The following RPS24 variants were observed in gnomAD, a reference collection of about 807,000 sequenced individuals.
RPS24 encodes the protein ribosomal protein S24, also known as small ribosomal subunit protein eS24.
For synonymous variants in RPS24, 72 were observed against 55.6 expected, an observed-to-expected ratio of 1.30 and a Z score of -1.31; for missense variants, 100 against 162.5, an observed-to-expected ratio of 0.62 and a Z score of 2.09.
intron 4 of RPS24, chr10:78,038,087 G>A: frequency 3.2e-6 from 2 of 618,364 alleles, no homozygotes; most frequent in Non-Finnish European, 5.0e-6. Context: ...TAGTATGGTC[G>A]ATTATAATGC....
At chr10:78,043,792 A>T (rs560339441), downstream of RPS24, among the ~76,000 whole-genome samples, 1 of 152,314 alleles carries the variant, frequency 6.6e-6, no homozygotes, top group Admixed American at 6.5e-5. Context: ...CTTCCAGGAG[A>T]CATACAGCAG....
At chr10:78,037,850 AGAATT>A in intron 4 of RPS24, 2 of 655,678 alleles carry the variant, frequency 3.1e-6, no homozygotes, top group Non-Finnish European at 4.5e-6. Flanking sequence ...ATCATTGAAT[AGAATT>A]AAGGTGTTGG....
At chr10:78,053,355 G>A (rs528196540) in intron 4 of RPS24, among the ~76,000 whole-genome samples, 2 of 152,130 alleles carry the variant, frequency 1.3e-5, no homozygotes, top group African/African-American at 4.8e-5. Flanking sequence ...GGGTTTTAGG[G>A]TTTCCTTGAA....
At position 78,035,434 on chromosome 10, in the gene RPS24, C is replaced by T. The variant is rs755858312; in HGVS notation, c.69+17C>T. The T allele has an allele frequency of 1.2e-6, 2 of 1,613,476 alleles. No homozygotes were observed. Among genetic ancestry groups the T allele is most frequent in the Non-Finnish European group, 1.7e-6 (2 of 1,179,388 alleles). On this transcript the variant is annotated intron_variant, in intron 2 of 5. Coordinates refer to ENST00000372360, the MANE Select transcript of RPS24 (RefSeq NM_033022.4). ...AAACAAATGGTAAGGAAGGGCACAT[C>T]AATCTTTGCTTAATTGTCCTTTACT...
At chr10:78,040,490 CAA>C in intron 5 of RPS24, 123 bp from the exon 6 acceptor site, 1 of 810,444 alleles carries the variant, frequency 1.2e-6, no homozygotes, top group South Asian at 1.4e-5. Context: ...ATGATAACAT[CAA>C]AATAACTTGA....
downstream of RPS24, among the ~76,000 whole-genome samples, chr10:78,045,096 C>A (rs992873094): frequency 7.2e-5 from 11 of 152,090 alleles, no homozygotes; most frequent in Admixed American, 7.2e-4. Flanking sequence ...TCAAGCAATT[C>A]TCTGCCTCAG....
chr10:78,054,885 T>C, exon 5 of RPS24: 5 of 1,545,506 alleles, frequency 3.2e-6, no homozygotes, highest in Middle Eastern at 1.7e-4. Context: ...AGAAGCCTTG[T>C]CAGCAACCTT....
chr10:78,040,090 G>C (rs1306243356), intron 4 of RPS24, 114 bp from the exon 5 acceptor site: 3 of 937,724 alleles, frequency 3.2e-6, no homozygotes, highest in Non-Finnish European at 5.3e-6. Context: ...TCATCTTTAA[G>C]GTACCTGATT....
downstream of RPS24, among the ~76,000 whole-genome samples, chr10:78,042,740 G>A (rs1489037722): frequency 6.6e-6 from 1 of 152,180 alleles, no homozygotes; most frequent in Non-Finnish European, 1.5e-5. Flanking sequence ...AGCTAGAGGT[G>A]GTTCTGGGAA....
At chr10:78,041,992 C>T (rs932519746), downstream of RPS24, among the ~76,000 whole-genome samples, 12 of 152,166 alleles carry the variant, frequency 7.9e-5, no homozygotes, top group Middle Eastern at 3.2e-3. Context: ...GAAACTCAGG[C>T]TTGGCCTATT....
intron 4 of RPS24, among the ~76,000 whole-genome samples, chr10:78,047,690 C>A (rs1407074980): frequency 1.3e-5 from 2 of 152,174 alleles, no homozygotes; most frequent in Non-Finnish European, 2.9e-5. Flanking sequence ...TGATGTCTAC[C>A]CATCCGTGCT....
rs1219180046 is a variant in RPS24, at chr10:78,034,797, G to A, written c.4-555G>A. Reference sequence around the variant, plus strand: ...GTAGGTAGTGAGTACAAGGTTTGGGGCACATTTGTGCAAGACATGATAAAC... The same window carrying A: ...GTAGGTAGTGAGTACAAGGTTTGGGACACATTTGTGCAAGACATGATAAAC... On this transcript the variant is annotated intron_variant, in intron 1 of 5. Transcript: ENST00000372360. 2.0e-5 allele frequency among the ~76,000 whole-genome samples: 3 copies of A among 152,210 alleles called. No homozygotes were observed. In the East Asian group the frequency reaches 5.8e-4, roughly 29 times the overall value.
intron 4 of RPS24, among the ~76,000 whole-genome samples, chr10:78,052,770 C>T (rs1271831481): frequency 1.3e-5 from 2 of 152,146 alleles, no homozygotes; most frequent in Non-Finnish European, 2.9e-5. Context: ...CAAGGGCTAT[C>T]ATGTGAAAGA....
Position 78,033,863 on chromosome 10 carries a change from C to T in RPS24, c.-39C>T, listed in dbSNP as rs777125793. 4.8e-5 allele frequency: 78 copies of T among 1,613,846 alleles called. 1 individual carries two copies. The highest frequency in any genetic ancestry group is 1.9e-4 in the South Asian group (17 of 91,086). Reference sequence around the variant, plus strand: ...TATGATTGGCCGGCGAATCGTGGTTCTCTTTTCCTCCTTGGCTGTCTGAAG... The same window carrying T: ...TATGATTGGCCGGCGAATCGTGGTTTTCTTTTCCTCCTTGGCTGTCTGAAG... On this transcript the variant is annotated 5_prime_UTR_variant, in exon 1 of 6. Transcript: ENST00000372360.
intron 4 of RPS24, chr10:78,039,475 T>C (rs948766604): frequency 5.2e-5 from 8 of 152,554 alleles, no homozygotes; most frequent in African/African-American, 1.9e-4. Context: ...GAAAAATCAA[T>C]GCATTTGAGT....
At chr10:78,054,461 C>A in intron 4 of RPS24, 2 of 1,364,236 alleles carry the variant, frequency 1.5e-6, no homozygotes, top group Non-Finnish European at 9.9e-7. Context: ...AGGCCACAGG[C>A]GCAGAACAGG....
intron 1 of RPS24, among the ~76,000 whole-genome samples, chr10:78,034,670 A>G (rs1015481115): frequency 1.3e-5 from 2 of 152,186 alleles, no homozygotes; most frequent in African/African-American, 2.4e-5. Flanking sequence ...TAATGCCCAC[A>G]TTTTTTGTTA....
chr10:78,035,497 A>C lies in RPS24; in HGVS notation c.70-14A>C. 1 of 1,613,880 alleles carries C rather than the reference A, an allele frequency of 6.2e-7. No individual in the cohort carries two copies. Among genetic ancestry groups the C allele is most frequent in the Non-Finnish European group, 8.5e-7 (1 of 1,179,750 alleles). On this transcript the variant is annotated splice_polypyrimidine_tract_variant and intron_variant, in intron 2 of 5. Transcript: ENST00000372360. ...TTTATCATACTGAATGCTAAACTTG[A>C]TATCTCCTTTTAGGTCATTGATGTC...
chr10:78,034,693 A>G (rs1325725323), intron 1 of RPS24, among the ~76,000 whole-genome samples: 5 of 152,262 alleles, frequency 3.3e-5, no homozygotes, highest in Non-Finnish European at 2.9e-5. Flanking sequence ...TATTAAGTAA[A>G]GGTGCAGTTC....
Sources: allele counts gnomAD v4.1 joint callset (sites outside exome capture counted in the v4.1 genomes callset), GRCh38; gene constraint gnomAD v4.1.1; transcripts MANE v1.5; gene names NCBI Gene and HGNC (gene_info 2026-07-23, HGNC 2026-07-21).